The following CSF2RA variants were observed in gnomAD, a reference collection of about 807,000 sequenced individuals.
CSF2RA encodes the protein colony stimulating factor 2 receptor subunit alpha.
In CSF2RA, 42 loss-of-function variants were observed where a neutral mutation model predicts 51.6. The observed-to-expected ratio is 0.81, with a 90% CI of 0.64 to 1.05. The LOEUF is 1.05. Ranked by LOEUF, CSF2RA falls within the 50% of genes least tolerant of loss-of-function variation. The pLI is 0.00. For missense variants in CSF2RA, 530 were observed against 501.1 expected, an observed-to-expected ratio of 1.06 and a Z score of -0.55; for synonymous variants, 222 against 193.0, an observed-to-expected ratio of 1.15 and a Z score of -1.24.
At chrX:1,279,369 T>C (rs1228177456) in intron 2 of CSF2RA, among the ~76,000 whole-genome samples, 1 of 151,546 alleles carries the variant, frequency 6.6e-6, no homozygotes, top group East Asian at 1.9e-4. Context: ...TAATAATTAA[T>C]AATAATAATA....
chrX:1,290,378 C>G lies in CSF2RA; in HGVS notation c.515C>G (p.Ser172Ter), dbSNP rs762982746. Reference protein sequence around the residue: ...EIRCPYYIQDSGTHVGCHLDN... With the variant: ...EIRCPYYIQD ...CGGTGTCCTTATTACATACAAGACTCAGGAACCCATGTGGGATGTCACCTG... is the reference window on the plus strand; with the variant it reads ...CGGTGTCCTTATTACATACAAGACTGAGGAACCCATGTGGGATGTCACCTG... Residue 172 changes from serine (S) to a stop codon, truncating the protein, a stop_gained, in exon 7 of 13, where the codon TCA becomes TGA. Transcript: ENST00000381529. LOFTEE classifies it high-confidence loss of function. 1.2e-6 allele frequency: 2 copies of G among 1,613,724 alleles called. No homozygotes were observed. The highest frequency in any genetic ancestry group is 1.1e-5 in the South Asian group (1 of 91,068).
chrX:1,313,016 G>A (rs1472607407), downstream of CSF2RA, among the ~76,000 whole-genome samples: 4 of 152,054 alleles, frequency 2.6e-5, no homozygotes, highest in Non-Finnish European at 5.9e-5. Context: ...CCCACAGGGC[G>A]CCCCAGGAAG....
the CSF2RA span, among the ~76,000 whole-genome samples, chrX:1,316,268 A>AGAT: frequency 4.5e-5 from 3 of 66,892 alleles, no homozygotes; most frequent in Non-Finnish European, 6.4e-5. Context: ...GATGATAGAT[A>AGAT]GATAGATAGA....
At chrX:1,297,117 C>A (rs2092015691) in intron 9 of CSF2RA, among the ~76,000 whole-genome samples, 2 of 68,274 alleles carry the variant, frequency 2.9e-5, no homozygotes, top group Non-Finnish European at 5.7e-5. Context: ...ACTCACGACC[C>A]CTACACTCTC....
intron 2 of CSF2RA, among the ~76,000 whole-genome samples, chrX:1,279,934 C>T (rs1444833091): frequency 6.6e-6 from 1 of 151,964 alleles, no homozygotes; most frequent in African/African-American, 2.4e-5. Context: ...GGATTACAGG[C>T]ACCCACCACC....
chrX:1,295,375 G>A, intron 8 of CSF2RA, 52 bp from the exon 9 acceptor site: 1 of 1,612,010 alleles, frequency 6.2e-7, no homozygotes, highest in Non-Finnish European at 8.5e-7. Context: ...CATCTACAGT[G>A]TTTTAGAAAT....
chrX:1,278,003 G>A lies in CSF2RA; in HGVS notation c.-27+3185G>A, dbSNP rs1323296250. 3.1e-4 allele frequency among the ~76,000 whole-genome samples: 43 copies of A among 136,826 alleles called. 1 individual carries two copies. The highest frequency in any genetic ancestry group is 8.3e-4 in the African/African-American group (31 of 37,318). The allele number at this position is 136,826 out of a possible 152,430, so 89.8% of individuals were successfully genotyped here. A position where few individuals can be genotyped will look rare whatever the true frequency, so the allele number is the denominator to read the frequency against. ...AAAAAAAAAAAAAAAATTTCAGGGC[G>A]AGCAAGTTTATTATGAAAGTAAAAT... is the stretch of plus-strand genomic sequence containing the variant. On this transcript the variant is annotated intron_variant, in intron 2 of 12. Coordinates refer to ENST00000381529, the MANE Select transcript of CSF2RA (RefSeq NM_172245.4).
chrX:1,301,030 G>A (rs1303503284), intron 10 of CSF2RA, among the ~76,000 whole-genome samples: 2 of 151,646 alleles, frequency 1.3e-5, no homozygotes, highest in Non-Finnish European at 2.9e-5. Flanking sequence ...GCAGGTGCCT[G>A]TAATCCCAGC....
At chrX:1,275,253 T>A (rs1433297563) in intron 2 of CSF2RA, among the ~76,000 whole-genome samples, 1 of 151,700 alleles carries the variant, frequency 6.6e-6, no homozygotes, top group Non-Finnish European at 1.5e-5. Context: ...TAGCCGGGTG[T>A]AGTGGCAGTT....
chrX:1,285,562 G>T (rs1266078668), intron 3 of CSF2RA: 10 of 621,332 alleles, frequency 1.6e-5, no homozygotes, highest in East Asian at 5.7e-5. Flanking sequence ...GGGCATGGTG[G>T]TCGGCGCCTG....
the CSF2RA span, among the ~76,000 whole-genome samples, chrX:1,321,574 CAA>C: frequency 1.7e-4 from 19 of 114,142 alleles, no homozygotes; most frequent in Admixed American, 1.9e-4. Context: ...GACTCCATCT[CAA>C]AAAAAAAAAA....
rs771220649 is a variant in CSF2RA at position 1,282,811 on chromosome X, G to A, written c.76+32G>A. 2.0e-5 allele frequency: 32 copies of A among 1,576,816 alleles called. No homozygotes were observed. The Admixed American group carries it at 2.2e-4, about 11-fold the overall frequency. Reference sequence around the variant, plus strand: ...ATGGAAACCTGGCTGAACCTTCTCCGCGGCCCCTGTTTAGATGTCCTGCAT... The same window carrying A: ...ATGGAAACCTGGCTGAACCTTCTCCACGGCCCCTGTTTAGATGTCCTGCAT... On this transcript the variant is annotated intron_variant, in intron 3 of 12. Coordinates refer to ENST00000381529, the MANE Select transcript of CSF2RA (RefSeq NM_172245.4).
the CSF2RA span, among the ~76,000 whole-genome samples, chrX:1,318,010 A>T: frequency 3.4e-3 from 504 of 146,558 alleles, 3 homozygotes; most frequent in African/African-American, 0.012. Context: ...TTTTTGTGAG[A>T]CAGAGTCTCA....
chrX:1,296,087 C>A (rs1218451778), intron 9 of CSF2RA, among the ~76,000 whole-genome samples: 1 of 150,976 alleles, frequency 6.6e-6, no homozygotes, highest in Non-Finnish European at 1.5e-5. Context: ...CCTGGCATAA[C>A]CCTACAATCC....
chrX:1,312,153 C>T (rs2084219935), downstream of CSF2RA, among the ~76,000 whole-genome samples: 1 of 152,060 alleles, frequency 6.6e-6, no homozygotes, highest in South Asian at 2.1e-4. Flanking sequence ...GATGGGGTTT[C>T]ACCATGTTGA....
chrX:1,293,515 A>G (rs73618040), intron 7 of CSF2RA, among the ~76,000 whole-genome samples: 1,963 of 142,028 alleles, frequency 0.014, 36 homozygotes, highest in African/African-American at 0.038. Context: ...CACCGCGCCC[A>G]GCCCCCTGAT....
Position 1,295,424 on chromosome X carries a change from T to C in CSF2RA, c.781-3T>C. ...CTTGTGTTGTGTTTTGTTTTGTTTCTAGAATACCCAGCCTGGCACGGAAAA... is the reference window on the plus strand; with the variant it reads ...CTTGTGTTGTGTTTTGTTTTGTTTCCAGAATACCCAGCCTGGCACGGAAAA... On this transcript the variant is annotated splice_region_variant and splice_polypyrimidine_tract_variant and intron_variant, in intron 8 of 12. Transcript: ENST00000381529. The C allele has an allele frequency of 5.0e-6, 8 of 1,613,496 alleles. No individual in the cohort carries two copies. The highest frequency in any genetic ancestry group is 6.8e-6 in the Non-Finnish European group (8 of 1,179,572).
At chrX:1,311,920 G>A (rs1290420818), downstream of CSF2RA, among the ~76,000 whole-genome samples, 2 of 151,944 alleles carry the variant, frequency 1.3e-5, no homozygotes, top group African/African-American at 4.8e-5. Flanking sequence ...ATATCTCACT[G>A]GACTGTGACT....
the CSF2RA span, among the ~76,000 whole-genome samples, chrX:1,320,835 G>GT: frequency 3.0e-4 from 44 of 148,290 alleles, no homozygotes; most frequent in Middle Eastern, 3.5e-3. Context: ...TATGATCTCT[G>GT]TTTTTTTTTG....
Sources: allele counts gnomAD v4.1 joint callset (sites outside exome capture counted in the v4.1 genomes callset), GRCh38; gene constraint gnomAD v4.1.1; transcripts MANE v1.5; gene names NCBI Gene and HGNC (gene_info 2026-07-23, HGNC 2026-07-21).